Variants in SCN11A observed in about 807,000 individuals in gnomAD.
The protein encoded by SCN11A is sodium voltage-gated channel alpha subunit 11.
In SCN11A, 122 loss-of-function variants were observed where a neutral mutation model predicts 162.2. The ratio of observed to expected loss-of-function variants is 0.75; its 90% confidence interval spans 0.65 to 0.87. The LOEUF is 0.87. Among genes scored for constraint, SCN11A ranks in the 40% least tolerant of loss-of-function variants. SCN11A has a pLI of 0.00. For synonymous variants in SCN11A, 758 were observed against 751.5 expected, an observed-to-expected ratio of 1.01 and a Z score of -0.14; for missense variants, 2,015 against 2,181.6, an observed-to-expected ratio of 0.92 and a Z score of 1.52.
At chr3:38,896,420 G>T (rs1196483070) in intron 18 of SCN11A, among the ~76,000 whole-genome samples, 1 of 152,168 alleles carries the variant, frequency 6.6e-6, no homozygotes, top group Non-Finnish European at 1.5e-5. Flanking sequence ...TTTTCCAGGG[G>T]TCACAGTCAT....
At chr3:38,912,925 T>G (rs1339999374) in intron 11 of SCN11A, among the ~76,000 whole-genome samples, 2 of 152,212 alleles carry the variant, frequency 1.3e-5, no homozygotes, top group Non-Finnish European at 2.9e-5. Context: ...TAGTGAACAG[T>G]GCTGCAATGA....
At chr3:38,860,827 G>A (rs999455010) in intron 28 of SCN11A, among the ~76,000 whole-genome samples, 1 of 152,084 alleles carries the variant, frequency 6.6e-6, no homozygotes, top group Non-Finnish European at 1.5e-5. Flanking sequence ...TGACAACTGG[G>A]ACAAGATAAG....
At chr3:38,931,945 T>G (rs551485557) in intron 7 of SCN11A, among the ~76,000 whole-genome samples, 2 of 152,318 alleles carry the variant, frequency 1.3e-5, no homozygotes, top group East Asian at 1.9e-4. Context: ...CTAGAGGATC[T>G]GAAAGGAAAA....
At chr3:38,882,247 G>A (rs938064352) in intron 22 of SCN11A, among the ~76,000 whole-genome samples, 7 of 152,274 alleles carry the variant, frequency 4.6e-5, no homozygotes, top group Admixed American at 3.9e-4. Flanking sequence ...TTCACCTAGA[G>A]ATCACACAAG....
intron 28 of SCN11A, among the ~76,000 whole-genome samples, chr3:38,852,969 A>T (rs1465389715): frequency 6.6e-6 from 1 of 152,256 alleles, no homozygotes; most frequent in African/African-American, 2.4e-5. Flanking sequence ...GGTGAGTTGT[A>T]GCTACACAGG....
chr3:38,934,187 C>T (rs184636447), intron 7 of SCN11A, among the ~76,000 whole-genome samples: 268 of 152,294 alleles, frequency 1.8e-3, no homozygotes, highest in Middle Eastern at 6.8e-3. Context: ...GAGATTTTGT[C>T]GCCACCAGGC....
intron 2 of SCN11A, among the ~76,000 whole-genome samples, chr3:39,023,474 G>A (rs1281733208): frequency 2.6e-5 from 4 of 152,012 alleles, no homozygotes; most frequent in Admixed American, 2.6e-4. Context: ...TTTCTGCAAT[G>A]CTTCCTTTAT....
At chr3:38,852,535 AGT>A (rs1027244527) in intron 28 of SCN11A, among the ~76,000 whole-genome samples, 16 of 152,210 alleles carry the variant, frequency 1.1e-4, no homozygotes, top group African/African-American at 3.9e-4. Flanking sequence ...TTCAGAACGC[AGT>A]GTGACTCCTA....
At chr3:38,905,410 A>G in intron 14 of SCN11A, 89 bp from the exon 15 acceptor site, 1 of 1,453,952 alleles carries the variant, frequency 6.9e-7, no homozygotes, top group Non-Finnish European at 9.3e-7. Context: ...TGCTACATGT[A>G]ATGAAAGTGC....
At chr3:38,925,367 A>T in intron 9 of SCN11A, 48 bp downstream of exon 9, 2 of 1,235,220 alleles carry the variant, frequency 1.6e-6, no homozygotes, top group Non-Finnish European at 1.2e-6. Context: ...AATATAAATT[A>T]ACATTCTTTC....
intron 15 of SCN11A, 116 bp downstream of exon 15, chr3:38,905,076 G>C: frequency 2.3e-6 from 3 of 1,318,746 alleles, no homozygotes; most frequent in East Asian, 2.3e-5. Flanking sequence ...GGATGGTACA[G>C]TGGGTTGGTT....
At chr3:38,976,235 T>C (rs6783749) in intron 2 of SCN11A, among the ~76,000 whole-genome samples, 15,942 of 152,144 alleles carry the variant, frequency 0.1, 890 homozygotes, top group Admixed American at 0.15. Context: ...GCAGAAATAT[T>C]GAAAGTCAAA....
chr3:38,885,430 TG>T (rs747097143), intron 20 of SCN11A, 28 bp from the exon 21 acceptor site: 1 of 1,229,192 alleles, frequency 8.1e-7, no homozygotes, highest in East Asian at 2.3e-5. Flanking sequence ...ACGAAGGGGG[TG>T]CCTTTTACTA....
intron 1 of SCN11A, among the ~76,000 whole-genome samples, chr3:39,038,865 G>A (rs1319357592): frequency 6.6e-6 from 1 of 152,100 alleles, no homozygotes; most frequent in African/African-American, 2.4e-5. Flanking sequence ...ACATAAACAA[G>A]ATGACAACTC....
At chr3:38,875,760 A>C (rs898635157) in intron 23 of SCN11A, among the ~76,000 whole-genome samples, 1 of 152,220 alleles carries the variant, frequency 6.6e-6, no homozygotes. Flanking sequence ...GGGTAGAATC[A>C]ACATTGTGAA....
At chr3:38,970,060 C>T (rs1302580549) in intron 2 of SCN11A, among the ~76,000 whole-genome samples, 1 of 150,924 alleles carries the variant, frequency 6.6e-6, no homozygotes, top group Non-Finnish European at 1.5e-5. Context: ...CTTCTGGTCC[C>T]CCAAAGAGCC....
At chr3:38,869,113 C>G (rs1380127330) in intron 26 of SCN11A, among the ~76,000 whole-genome samples, 1 of 152,178 alleles carries the variant, frequency 6.6e-6, no homozygotes, top group Non-Finnish European at 1.5e-5. Context: ...AGTCATCAAG[C>G]TAGAAGCCAG....
chr3:39,038,177 T>C (rs1468543550), intron 1 of SCN11A, among the ~76,000 whole-genome samples: 2 of 152,216 alleles, frequency 1.3e-5, no homozygotes, highest in African/African-American at 2.4e-5. Flanking sequence ...CTTAAAACAA[T>C]AATAAACATT....
chr3:38,851,815 G>GGGTCCAAGGGCAA (rs2064785210), intron 28 of SCN11A, among the ~76,000 whole-genome samples: 1 of 152,176 alleles, frequency 6.6e-6, no homozygotes, highest in African/African-American at 2.4e-5. Flanking sequence ...GCTTGTGGTG[G>GGGTCCAAGGGCAA]TGACAGCAGA....
Sources: allele counts gnomAD v4.1 joint callset (sites outside exome capture counted in the v4.1 genomes callset), GRCh38; gene constraint gnomAD v4.1.1; transcripts MANE v1.5; gene names NCBI Gene and HGNC (gene_info 2026-07-23, HGNC 2026-07-21).